ADAMTS19: variants seen among roughly 807,000 people sequenced by gnomAD.
The protein encoded by ADAMTS19 is A disintegrin and metalloproteinase with thrombospondin motifs 19.
Under a neutral mutation model 153.3 loss-of-function variants are expected in ADAMTS19, and 93 were observed. The observed-to-expected ratio is 0.61, with a 90% CI of 0.51 to 0.72. The LOEUF is 0.72. Ranked by LOEUF, ADAMTS19 falls within the 30% of genes least tolerant of loss-of-function variation. The probability of loss-of-function intolerance (pLI) is 0.00; values close to 1 mark genes in which losing one functional copy is unlikely to be tolerated. For missense variants in ADAMTS19, 1,482 were observed against 1,552.1 expected (o/e 0.95, Z 0.76); for synonymous variants, 600 against 556.6 (o/e 1.08, Z -1.10).
intron 2 of ADAMTS19, among the ~76,000 whole-genome samples, chr5:129,468,878 G>A (rs1047481303): frequency 2.0e-5 from 3 of 151,862 alleles, no homozygotes; most frequent in African/African-American, 7.3e-5. Flanking sequence ...CTGGGTTCCT[G>A]CCATTCTCCT....
At chr5:129,567,557 A>G (rs936094194) in intron 7 of ADAMTS19, among the ~76,000 whole-genome samples, 1 of 152,190 alleles carries the variant, frequency 6.6e-6, no homozygotes, top group Non-Finnish European at 1.5e-5. Context: ...AATAATTGGA[A>G]TAAAATCTCT....
chr5:129,727,729 AAAAT>A (rs1757266071), intron 21 of ADAMTS19, among the ~76,000 whole-genome samples: 1 of 152,166 alleles, frequency 6.6e-6, no homozygotes, highest in Non-Finnish European at 1.5e-5. Flanking sequence ...GTGAGATATT[AAAAT>A]AAATATAAGC....
intron 21 of ADAMTS19, among the ~76,000 whole-genome samples, chr5:129,707,583 G>A (rs1756225633): frequency 1.3e-5 from 2 of 152,056 alleles, no homozygotes; most frequent in South Asian, 4.1e-4. Flanking sequence ...ACAGAGAAAA[G>A]GAATAATGAA....
chr5:129,735,092 T>A lies in ADAMTS19; in HGVS notation c.3473T>A (p.Ile1158Lys). 6.3e-7 allele frequency: 1 copy of A among 1,597,964 alleles called. No homozygotes were observed. The highest frequency in any genetic ancestry group is 8.5e-7 in the Non-Finnish European group (1 of 1,173,912). The change falls in exon 22 of 23, where the codon ATA becomes AAA. Residue 1158 changes from isoleucine to lysine, a missense_variant. Ile to Lys is a moderately radical substitution (Grantham distance 102). Coordinates refer to ENST00000274487, the MANE Select transcript of ADAMTS19 (RefSeq NM_133638.6). ...AATGAGAAAATTAATGTAAATACCA[T>A]AACATCACCCAGACTGGGTAAGCAG... ...PCNEKINVNT[I>K]TSPRLAALTF...
At chr5:129,551,462 T>G (rs1753114765) in intron 6 of ADAMTS19, among the ~76,000 whole-genome samples, 2 of 151,754 alleles carry the variant, frequency 1.3e-5, no homozygotes, top group Non-Finnish European at 3.0e-5. Flanking sequence ...GTTGTATTTC[T>G]TACATTTAAA....
chr5:129,634,150 C>G (rs1223715901), intron 10 of ADAMTS19, among the ~76,000 whole-genome samples: 2 of 152,086 alleles, frequency 1.3e-5, no homozygotes, highest in Admixed American at 1.3e-4. Flanking sequence ...CGGTTTCCCT[C>G]AAAAGTGTGC....
At position 129,665,550 on chromosome 5, in the gene ADAMTS19, T is replaced by C; in HGVS notation, c.2477T>C (p.Val826Ala). The C allele has an allele frequency of 1.2e-6, 2 of 1,610,908 alleles. No homozygotes were observed. Among genetic ancestry groups the C allele is most frequent in the Non-Finnish European group, 1.7e-6 (2 of 1,177,970 alleles). Residue 826 changes from valine to alanine, a missense_variant, in exon 16 of 23, where the codon GTG (valine) becomes GCG (alanine). By Grantham distance (64) the Val-to-Ala change is moderately conservative (BLOSUM62 0). Around this residue, in one of 2 missense-constraint regions of ADAMTS19, gnomAD observed 616 missense variants for 724.4 expected, o/e 0.85. Coordinates refer to ENST00000274487, the MANE Select transcript of ADAMTS19 (RefSeq NM_133638.6). Reference protein sequence around the residue: ...IPAGARRIKVVEEKPAHSYLA... With the variant: ...IPAGARRIKVAEEKPAHSYLA... ...GCTGGAGCAAGAAGAATCAAAGTTG[T>C]GGAGGAAAAGCCGGCACATAGCTAT...
Position 129,665,388 on chromosome 5 carries a change from G to A in ADAMTS19, c.2426-111G>A, listed in dbSNP as rs546895643. On this transcript the variant is annotated intron_variant, in intron 15 of 22. Coordinates refer to ENST00000274487, the MANE Select transcript of ADAMTS19 (RefSeq NM_133638.6). Reference sequence around the variant, plus strand: ...AAAAATTTTTCTTTACGTAAGTACTGAAATATCATAGCAATAACCAAAACC... The same window carrying A: ...AAAAATTTTTCTTTACGTAAGTACTAAAATATCATAGCAATAACCAAAACC... The A allele has an allele frequency of 6.0e-6, 5 of 828,204 alleles. No individual in the cohort carries two copies. In the South Asian group the frequency reaches 8.7e-5, roughly 14 times the overall value. 51.3% of individuals were successfully genotyped at this position (828,204 alleles called of 1,614,324 possible). A position where few individuals can be genotyped will look rare whatever the true frequency, so the allele number is the denominator to read the frequency against.
chr5:129,518,602 G>T (rs1034877438), intron 3 of ADAMTS19, among the ~76,000 whole-genome samples: 1 of 151,914 alleles, frequency 6.6e-6, no homozygotes, highest in Non-Finnish European at 1.5e-5. Context: ...TTCTCTTGCT[G>T]GTTTTAGGAT....
Position 129,707,804 on chromosome 5 carries a change from A to G in ADAMTS19, c.3312+3413A>G, listed in dbSNP as rs17163045. On this transcript the variant is annotated intron_variant, in intron 21 of 22. Coordinates refer to ENST00000274487, the MANE Select transcript of ADAMTS19 (RefSeq NM_133638.6). ...AAGTGTCAATACTAAAGTGGACTTC[A>G]GCCTTGGATTTACTTTAATCAGGAA... Among the ~76,000 whole-genome samples the G allele has an allele frequency of 4.8e-3, 738 of 152,310 alleles. 5 individuals are homozygous for G. The highest frequency in any genetic ancestry group is 0.017 in the African/African-American group (702 of 41,572).
intron 11 of ADAMTS19, among the ~76,000 whole-genome samples, chr5:129,644,808 A>G (rs1752984390): frequency 6.6e-6 from 1 of 152,206 alleles, no homozygotes; most frequent in South Asian, 2.1e-4. Flanking sequence ...CTAGAACCTT[A>G]GACTGTTTGG....
At chr5:129,690,343 G>A (rs553297312) in intron 18 of ADAMTS19, among the ~76,000 whole-genome samples, 1 of 152,340 alleles carries the variant, frequency 6.6e-6, no homozygotes, top group Non-Finnish European at 1.5e-5. Flanking sequence ...ATGAGGATTG[G>A]TGGGTGGGAA....
At chr5:129,570,358 A>G (rs188095509) in intron 7 of ADAMTS19, among the ~76,000 whole-genome samples, 8 of 152,004 alleles carry the variant, frequency 5.3e-5, no homozygotes, top group Non-Finnish European at 1.0e-4. Flanking sequence ...GAAATCCTCA[A>G]ACAAAACTTA....
chr5:129,496,459 T>C (rs1750931074), intron 2 of ADAMTS19, among the ~76,000 whole-genome samples: 1 of 152,136 alleles, frequency 6.6e-6, no homozygotes, highest in Non-Finnish European at 1.5e-5. Flanking sequence ...TTGCAGCAGA[T>C]TTTCCATTTC....
chr5:129,696,273 C>T (rs1006480725), intron 19 of ADAMTS19, among the ~76,000 whole-genome samples: 4 of 151,996 alleles, frequency 2.6e-5, no homozygotes, highest in African/African-American at 9.7e-5. Context: ...CAAAATTAGC[C>T]AGGCATGGTA....
chr5:129,681,919 C>T (rs896665052), intron 17 of ADAMTS19, among the ~76,000 whole-genome samples: 6 of 152,236 alleles, frequency 3.9e-5, no homozygotes, highest in Admixed American at 3.9e-4. Flanking sequence ...CTTATAATAA[C>T]AGTATCAACA....
intron 21 of ADAMTS19, among the ~76,000 whole-genome samples, chr5:129,723,754 A>G (rs1191234010): frequency 6.6e-6 from 1 of 152,230 alleles, no homozygotes; most frequent in Non-Finnish European, 1.5e-5. Flanking sequence ...ATGTGTGACC[A>G]CAGCCCATGA....
intron 7 of ADAMTS19, among the ~76,000 whole-genome samples, chr5:129,553,292 C>T (rs1469490707): frequency 6.6e-6 from 1 of 152,030 alleles, no homozygotes; most frequent in Non-Finnish European, 1.5e-5. Context: ...CTCTTTATAG[C>T]CTGTAAGCAG....
At chr5:129,596,295 T>G (rs1339236324) in intron 7 of ADAMTS19, among the ~76,000 whole-genome samples, 1 of 152,120 alleles carries the variant, frequency 6.6e-6, no homozygotes, top group Admixed American at 6.5e-5. Flanking sequence ...TAACCTATAT[T>G]CTTATATTAT....
Sources: gnomAD v4.1 joint callset for allele counts (sites outside exome capture counted in the v4.1 genomes callset) on GRCh38, gnomAD v4.1.1 for gene constraint, gnomAD v4.1.1 regional missense constraint, MANE v1.5 for transcripts, NCBI Gene and HGNC (gene_info 2026-07-23, HGNC 2026-07-21) for gene names.